VMP1: variants seen among roughly 807,000 people sequenced by gnomAD.
VMP1 encodes ectopic P-granules autophagy protein 3 homolog.
VMP1 carries 11 observed loss-of-function variants against 56.0 expected under a neutral mutation model. The ratio of observed to expected loss-of-function variants is 0.20; its 90% CI spans 0.12 to 0.32. The LOEUF is 0.32. Among genes scored for constraint, VMP1 ranks in the 10% least tolerant of loss-of-function variants. The probability of loss-of-function intolerance (pLI) is 1.00; values close to 1 mark genes in which losing one functional copy is unlikely to be tolerated. For missense variants in VMP1, 296 were observed against 490.3 expected (o/e 0.60, Z 3.74); for synonymous variants, 149 against 165.0 (o/e 0.90, Z 0.74).
chr17:59,830,679 A>G (rs1327492049), intron 10 of VMP1, among the ~76,000 whole-genome samples: 1 of 152,266 alleles, frequency 6.6e-6, no homozygotes, highest in East Asian at 1.9e-4. Context: ...TCCTCAAAAA[A>G]GTATTTGAGA....
At chr17:59,814,319 A>G (rs1221302879) in intron 9 of VMP1, among the ~76,000 whole-genome samples, 3 of 152,276 alleles carry the variant, frequency 2.0e-5, no homozygotes, top group South Asian at 2.1e-4. Flanking sequence ...TAAAGCACTT[A>G]TCTATATGAT....
chr17:59,801,108 A>G (rs1295659729), intron 7 of VMP1, among the ~76,000 whole-genome samples: 176 of 127,038 alleles, frequency 1.4e-3, no homozygotes, highest in African/African-American at 6.7e-3. Flanking sequence ...ATATATATAT[A>G]TATATGTGTG....
intron 7 of VMP1, among the ~76,000 whole-genome samples, chr17:59,790,556 G>T (rs1051974878): frequency 6.6e-6 from 1 of 152,150 alleles, no homozygotes; most frequent in Non-Finnish European, 1.5e-5. Flanking sequence ...TTGGGAGGCC[G>T]AGGCAGGTGG....
intron 9 of VMP1, among the ~76,000 whole-genome samples, chr17:59,812,144 G>C (rs2038072865): frequency 6.6e-6 from 1 of 152,028 alleles, no homozygotes; most frequent in Admixed American, 6.6e-5. Context: ...GTAGTTTTTT[G>C]TTTGTTTTGT....
In VMP1 at chr17:59,737,498, T is replaced by C. The variant is rs1434433212; in HGVS notation, c.258T>C (p.Leu86=). 3.7e-6 allele frequency: 6 copies of C among 1,612,162 alleles called. No individual in the cohort carries two copies. Among genetic ancestry groups the C allele is most frequent in the Non-Finnish European group, 5.1e-6 (6 of 1,179,272 alleles). The change falls in exon 4 of 12, where the codon CTT becomes CTC. Residue 86 remains leucine, a synonymous_variant. Coordinates refer to ENST00000262291, the MANE Select transcript of VMP1 (RefSeq NM_030938.5). ...QSIVVSFLLL[L]AVLIATYYVE... ...TTGTGGTGTCTTTTTTACTGCTGCT[T>C]GCTGTGCTTATAGCTACGTATTATG...
chr17:59,784,297 G>A (rs1381379013), intron 7 of VMP1, among the ~76,000 whole-genome samples: 1 of 151,910 alleles, frequency 6.6e-6, no homozygotes, highest in Non-Finnish European at 1.5e-5. Flanking sequence ...GTTCTTTTTC[G>A]TAACTTTGCC....
At chr17:59,830,637 A>G (rs1194552943) in intron 10 of VMP1, among the ~76,000 whole-genome samples, 1 of 152,236 alleles carries the variant, frequency 6.6e-6, no homozygotes, top group Non-Finnish European at 1.5e-5. Context: ...AGGAGGGTAA[A>G]TATAACCTAT....
At chr17:59,824,610 C>T (rs1390025817) in intron 10 of VMP1, among the ~76,000 whole-genome samples, 1 of 148,724 alleles carries the variant, frequency 6.7e-6, no homozygotes, top group African/African-American at 2.5e-5. Context: ...CAGTGGCCCA[C>T]GCCTGTAATC....
At chr17:59,720,834 G>A (rs2034363493) in intron 1 of VMP1, among the ~76,000 whole-genome samples, 1 of 152,034 alleles carries the variant, frequency 6.6e-6, no homozygotes, top group Non-Finnish European at 1.5e-5. Flanking sequence ...TTAGCCAGGT[G>A]TGATGGCAGA....
intron 8 of VMP1, 28 bp from the exon 9 acceptor site, chr17:59,811,642 A>AT: frequency 6.7e-7 from 1 of 1,493,622 alleles, no homozygotes; most frequent in Non-Finnish European, 9.3e-7. Flanking sequence ...GGATTATAAT[A>AT]TGGAAGTCCT....
At chr17:59,723,747 C>T (rs563012850) in intron 1 of VMP1, among the ~76,000 whole-genome samples, 1 of 152,132 alleles carries the variant, frequency 6.6e-6, no homozygotes, top group East Asian at 1.9e-4. Flanking sequence ...AGCAAAGTCC[C>T]TGAGAAGGAG....
rs976882656 is a variant in VMP1, at chr17:59,807,199, G to T, written c.715-1597G>T. On this transcript the variant is annotated intron_variant, in intron 7 of 11. Transcript: ENST00000262291. ...TGTCCAGCTTCTTTTTTGTTTTTTT[G>T]TTTTTTTTTTTTTTTGAGACGGAGT... Among the ~76,000 whole-genome samples the T allele has an allele frequency of 7.5e-3, 990 of 132,530 alleles. 11 individuals are homozygous for T. Among genetic ancestry groups the T allele is most frequent in the African/African-American group, 0.018 (663 of 36,068 alleles). 86.9% of individuals were successfully genotyped at this position (132,530 alleles called of 152,430 possible).
intron 7 of VMP1, among the ~76,000 whole-genome samples, chr17:59,807,855 A>G (rs1420774809): frequency 6.6e-6 from 1 of 151,176 alleles, no homozygotes; most frequent in Non-Finnish European, 1.5e-5. Flanking sequence ...AAAAAAAGAA[A>G]GTTGGACTAA....
chr17:59,761,543 A>G (rs1308892007), intron 5 of VMP1, among the ~76,000 whole-genome samples: 4 of 152,162 alleles, frequency 2.6e-5, no homozygotes, highest in African/African-American at 9.7e-5. Flanking sequence ...GTCAGACTAG[A>G]GTAGCTTTCA....
In VMP1 at chr17:59,838,277, A is replaced by G. The variant is rs1286340179; in HGVS notation, c.975-18A>G. On this transcript the variant is annotated intron_variant, in intron 10 of 11. Coordinates refer to ENST00000262291, the MANE Select transcript of VMP1 (RefSeq NM_030938.5). ...CCAAATGTGTCTTTTTCTTTGGGCT[A>G]CTGTACCCTGCTTCCAGTGCTGTCC... is the stretch of plus-strand genomic sequence containing the variant. 1 of 1,610,566 alleles carries G rather than the reference A, an allele frequency of 6.2e-7. No individual in the cohort carries two copies. Among genetic ancestry groups the G allele is most frequent in the South Asian group, 1.1e-5 (1 of 90,970 alleles).
intron 7 of VMP1, among the ~76,000 whole-genome samples, chr17:59,797,262 C>G (rs547688889): frequency 6.7e-6 from 1 of 148,918 alleles, no homozygotes; most frequent in Non-Finnish European, 1.5e-5. Flanking sequence ...TGATTGAACC[C>G]GGGAGCAGAG....
chr17:59,770,666 C>T (rs1447372920), intron 6 of VMP1, among the ~76,000 whole-genome samples: 4 of 151,912 alleles, frequency 2.6e-5, no homozygotes, highest in African/African-American at 9.7e-5. Context: ...TCACTGCAAC[C>T]TCCTCTCGTA....
intron 2 of VMP1, among the ~76,000 whole-genome samples, chr17:59,734,292 T>C (rs1003601413): frequency 1.3e-5 from 2 of 152,074 alleles, no homozygotes; most frequent in African/African-American, 4.8e-5. Context: ...CTAGTGGATA[T>C]AGGAAAAAAC....
intron 7 of VMP1, among the ~76,000 whole-genome samples, chr17:59,788,441 C>A (rs2037086017): frequency 1.3e-5 from 2 of 151,222 alleles, no homozygotes; most frequent in Non-Finnish European, 2.9e-5. Context: ...GAGCCGAGAT[C>A]CCACCACTGC....
Sources: gnomAD v4.1 joint callset for allele counts (sites outside exome capture counted in the v4.1 genomes callset) on GRCh38, gnomAD v4.1.1 for gene constraint, MANE v1.5 for transcripts, NCBI Gene and HGNC (gene_info 2026-07-23, HGNC 2026-07-21) for gene names.